B3GLCT: variants seen among roughly 807,000 people sequenced by gnomAD.
B3GLCT encodes beta 3-glucosyltransferase, also known as beta-1,3-glucosyltransferase.
B3GLCT carries 65 observed loss-of-function variants against 63.4 expected under a neutral mutation model. The observed-to-expected ratio is 1.03, with a 90% CI of 0.84 to 1.26. The LOEUF (loss-of-function observed/expected upper bound fraction) is 1.26. B3GLCT is among the 50% of genes most tolerant of loss of function. The pLI, the probability that B3GLCT is intolerant of heterozygous loss-of-function variation, is 0.00. For synonymous variants in B3GLCT, 233 were observed against 219.2 expected (o/e 1.06, Z -0.55); for missense variants, 577 against 604.8 (o/e 0.95, Z 0.48).
intron 7 of B3GLCT, among the ~76,000 whole-genome samples, chr13:31,262,997 C>T (rs1173977938): frequency 6.6e-6 from 1 of 152,194 alleles, no homozygotes; most frequent in Admixed American, 6.5e-5. Context: ...AAACACAGCT[C>T]TTGCCTGCCC....
At chr13:31,240,443 AAG>A in intron 4 of B3GLCT, among the ~76,000 whole-genome samples, 1 of 151,512 alleles carries the variant, frequency 6.6e-6, no homozygotes, top group Middle Eastern at 3.4e-3. Context: ...TTTTCTTGAA[AAG>A]AGTTAGGCCC....
chr13:31,215,905 GC>G (rs1869538276), intron 2 of B3GLCT, among the ~76,000 whole-genome samples: 1 of 152,138 alleles, frequency 6.6e-6, no homozygotes, highest in South Asian at 2.1e-4. Context: ...AGAAAGCTAG[GC>G]CAGGGGACTC....
intron 3 of B3GLCT, among the ~76,000 whole-genome samples, chr13:31,225,205 A>G (rs952903825): frequency 1.3e-5 from 2 of 152,250 alleles, no homozygotes; most frequent in Non-Finnish European, 2.9e-5. Context: ...ATGACAATCC[A>G]TCTTGAGTTG....
chr13:31,269,419 C>T (rs1394507925), intron 8 of B3GLCT, 142 bp downstream of exon 8: 6 of 620,306 alleles, frequency 9.7e-6, no homozygotes, highest in East Asian at 2.8e-5. Flanking sequence ...AGCACTCCAG[C>T]GAATTAGGTG....
chr13:31,297,892 G>T (rs943206752), intron 12 of B3GLCT, among the ~76,000 whole-genome samples: 1 of 152,200 alleles, frequency 6.6e-6, no homozygotes, highest in African/African-American at 2.4e-5. Flanking sequence ...GAGATGTGTA[G>T]GGTGAGGTAT....
chr13:31,255,470 T>TA (rs536087438), intron 6 of B3GLCT, among the ~76,000 whole-genome samples: 43 of 152,044 alleles, frequency 2.8e-4, no homozygotes, highest in African/African-American at 9.9e-4. Context: ...TCATGTGGAA[T>TA]AAAAAAAGAG....
At chr13:31,317,719 A>C in intron 13 of B3GLCT, 34 bp downstream of exon 13, 1 of 1,613,232 alleles carries the variant, frequency 6.2e-7, no homozygotes, top group Non-Finnish European at 8.5e-7. Flanking sequence ...CAACTACTTT[A>C]AACATAAACT....
chr13:31,290,761 C>A (rs1169454709), intron 12 of B3GLCT, among the ~76,000 whole-genome samples: 1 of 152,182 alleles, frequency 6.6e-6, no homozygotes, highest in Admixed American at 6.5e-5. Flanking sequence ...TGGATATTAG[C>A]TCTTTGTCAG....
chr13:31,281,424 T>A (rs1873065042), intron 10 of B3GLCT, among the ~76,000 whole-genome samples: 1 of 152,214 alleles, frequency 6.6e-6, no homozygotes, highest in African/African-American at 2.4e-5. Context: ...TGGTACAGTC[T>A]GCTTACTTAA....
chr13:31,313,667 C>T (rs1049705098), intron 12 of B3GLCT, among the ~76,000 whole-genome samples: 11 of 152,148 alleles, frequency 7.2e-5, no homozygotes, highest in Admixed American at 1.3e-4. Context: ...ACCCTGACTA[C>T]GCGATAGGAA....
intron 3 of B3GLCT, among the ~76,000 whole-genome samples, chr13:31,227,064 A>G (rs1870138413): frequency 6.6e-6 from 1 of 152,126 alleles, no homozygotes; most frequent in South Asian, 2.1e-4. Context: ...TTCTTTTGCA[A>G]CTTGCTTTTT....
chr13:31,279,250 C>G (rs1872940395), intron 10 of B3GLCT, among the ~76,000 whole-genome samples: 1 of 152,058 alleles, frequency 6.6e-6, no homozygotes, highest in African/African-American at 2.4e-5. Context: ...AAGCATATCA[C>G]TGCTATAGTC....
At chr13:31,206,126 G>A (rs182109494) in intron 1 of B3GLCT, among the ~76,000 whole-genome samples, 1 of 152,174 alleles carries the variant, frequency 6.6e-6, no homozygotes, top group African/African-American at 2.4e-5. Context: ...GCTAAATGAA[G>A]TAAAGGACGT....
At chr13:31,302,416 C>T (rs955927518) in intron 12 of B3GLCT, among the ~76,000 whole-genome samples, 8 of 148,600 alleles carry the variant, frequency 5.4e-5, no homozygotes, top group East Asian at 4.1e-4. Flanking sequence ...TCTGAGGTAC[C>T]GGGTTCATCT....
intron 1 of B3GLCT, among the ~76,000 whole-genome samples, chr13:31,206,252 C>G (rs1868943397): frequency 6.6e-6 from 1 of 152,132 alleles, no homozygotes; most frequent in Admixed American, 6.5e-5. Flanking sequence ...TCTGTGTGTC[C>G]TAAAGAAGCC....
rs1403213665 is a variant in B3GLCT at position 31,330,640 on chromosome 13, G to A, written c.*972G>A. 6.0e-5 allele frequency: 9 copies of A among 151,260 alleles called. No individual in the cohort carries two copies. The South Asian group carries it at 1.7e-3, about 28-fold the overall frequency. The allele number at this position is 151,260 out of a possible 1,614,324, so 9.4% of individuals were successfully genotyped here. On this transcript the variant is annotated 3_prime_UTR_variant, in exon 15 of 15. Coordinates refer to ENST00000343307, the MANE Select transcript of B3GLCT (RefSeq NM_194318.4). ...CATGGTGATCAGGCAATTTCTCTGG[G>A]TTCCCAAAGAATGACATTTGAACAC...
Position 31,329,768 on chromosome 13 carries a change from G to C in B3GLCT, c.*100G>C. ...TCACAACACTTGTGTCTGCCACATG[G>C]CATTGGGTGCTTCCTGACTTTAGGG... is the stretch of plus-strand genomic sequence containing the variant. On this transcript the variant is annotated 3_prime_UTR_variant, in exon 15 of 15. Coordinates refer to ENST00000343307, the MANE Select transcript of B3GLCT (RefSeq NM_194318.4). 1 of 1,334,648 alleles carries C rather than the reference G, an allele frequency of 7.5e-7. No homozygotes were observed. The highest frequency in any genetic ancestry group is 1.1e-6 in the Non-Finnish European group (1 of 941,176). 82.7% of individuals were successfully genotyped at this position (1,334,648 alleles called of 1,614,324 possible). A position where few individuals can be genotyped will look rare whatever the true frequency, so the allele number is the denominator to read the frequency against.
At chr13:31,225,679 C>T (rs749830105) in intron 3 of B3GLCT, among the ~76,000 whole-genome samples, 3 of 152,144 alleles carry the variant, frequency 2.0e-5, no homozygotes, top group Non-Finnish European at 4.4e-5. Context: ...TATACCTAAC[C>T]GTTAGTATTT....
intron 14 of B3GLCT, among the ~76,000 whole-genome samples, chr13:31,328,883 A>C (rs897923382): frequency 1.3e-5 from 2 of 152,138 alleles, no homozygotes; most frequent in Non-Finnish European, 1.5e-5. Context: ...AATGTAGATA[A>C]TATAAAAACT....
Sources: allele counts gnomAD v4.1 joint callset (sites outside exome capture counted in the v4.1 genomes callset), GRCh38; gene constraint gnomAD v4.1.1; transcripts MANE v1.5; gene names NCBI Gene and HGNC (gene_info 2026-07-23, HGNC 2026-07-21).